The following DIS3L2 variants were observed in gnomAD, a reference collection of about 807,000 sequenced individuals.
DIS3L2 encodes DIS3-like exonuclease 2.
In DIS3L2, 34 loss-of-function variants were observed where a neutral mutation model predicts 97.5. The ratio of observed to expected loss-of-function variants is 0.35; its 90% CI spans 0.27 to 0.46. The LOEUF is 0.46. DIS3L2 is among the 20% of genes least tolerant of loss of function. The pLI is 1.00. For synonymous variants in DIS3L2, 435 were observed against 445.2 expected, an observed-to-expected ratio of 0.98 and a Z score of 0.29; for missense variants, 1,038 against 1,146.0, an observed-to-expected ratio of 0.91 and a Z score of 1.36.
chr2:232,286,530 G>T (rs1027736719), intron 13 of DIS3L2, among the ~76,000 whole-genome samples: 2 of 152,172 alleles, frequency 1.3e-5, no homozygotes, highest in Non-Finnish European at 2.9e-5. Context: ...GTCCCAATCA[G>T]CTTGTTCCAG....
intron 13 of DIS3L2, among the ~76,000 whole-genome samples, chr2:232,288,846 T>TTA (rs1694521154): frequency 6.6e-6 from 1 of 152,242 alleles, no homozygotes; most frequent in African/African-American, 2.4e-5. Flanking sequence ...TTTGCTTTGT[T>TTA]TATATATACC....
chr2:232,163,416 T>C (rs1690711927), intron 8 of DIS3L2, 43 bp from the exon 9 acceptor site: 2 of 1,591,248 alleles, frequency 1.3e-6, no homozygotes, highest in Admixed American at 3.5e-5. Context: ...CTATGTTCCA[T>C]TTGTTTGCTA....
intron 6 of DIS3L2, among the ~76,000 whole-genome samples, chr2:232,116,219 T>A (rs553374544): frequency 2.3e-4 from 35 of 150,312 alleles, no homozygotes; most frequent in African/African-American, 7.4e-4. Flanking sequence ...AATAAATAAA[T>A]AAAACAGATG....
In DIS3L2 at chr2:232,032,279, A is replaced by G. The variant is rs368356695; in HGVS notation, c.366+2199A>G. Among the ~76,000 whole-genome samples the G allele has an allele frequency of 6.6e-5, 10 of 151,170 alleles. No individual in the cohort carries two copies. The East Asian group carries it at 1.9e-3, about 29-fold the overall frequency. ...TGACCAGTGTTGATGACCTTTTTTT[A>G]TATGTCTGTTGGCCACATAAATGTC... On this transcript the variant is annotated intron_variant, in intron 5 of 20. Coordinates refer to ENST00000325385, the MANE Select transcript of DIS3L2 (RefSeq NM_152383.5).
chr2:232,207,197 A>G (rs1692050722), intron 9 of DIS3L2, among the ~76,000 whole-genome samples: 1 of 152,196 alleles, frequency 6.6e-6, no homozygotes, highest in African/African-American at 2.4e-5. Context: ...CAGTTATACC[A>G]GTATTTTTTA....
At chr2:232,317,639 G>C (rs937353742) in intron 14 of DIS3L2, among the ~76,000 whole-genome samples, 1 of 152,102 alleles carries the variant, frequency 6.6e-6, no homozygotes, top group African/African-American at 2.4e-5. Context: ...GTTTCACTAT[G>C]TTGGCCAGCC....
chr2:232,216,605 T>C (rs1692341894), intron 10 of DIS3L2, among the ~76,000 whole-genome samples: 2 of 152,056 alleles, frequency 1.3e-5, no homozygotes, highest in Admixed American at 6.5e-5. Flanking sequence ...TTCTCACCAC[T>C]CATCACTTGC....
At position 232,281,029 on chromosome 2, in the gene DIS3L2, G is replaced by A. The variant is rs902093984; in HGVS notation, c.1659+17589G>A. Among the ~76,000 whole-genome samples the A allele has an allele frequency of 2.6e-5, 4 of 152,306 alleles. No individual in the cohort carries two copies. Among genetic ancestry groups the A allele is most frequent in the South Asian group, 2.1e-4 (1 of 4,828 alleles). ...ATTGGTGTGGCTGTGTCAGAGGAAG[G>A]GCTCCCAGTGGTGGTGGGAAATGTT... On this transcript the variant is annotated intron_variant, in intron 13 of 20. Coordinates refer to ENST00000325385, the MANE Select transcript of DIS3L2 (RefSeq NM_152383.5). This position sits in a 1 kb window ranked among gnomAD's most constrained non-coding sequence, Gnocchi z 4.1.
chr2:232,181,407 T>A (rs1480335425), intron 9 of DIS3L2, among the ~76,000 whole-genome samples: 1 of 152,216 alleles, frequency 6.6e-6, no homozygotes, highest in African/African-American at 2.4e-5. Context: ...TGCAGAGTGT[T>A]TTCCAACTTG....
intron 4 of DIS3L2, among the ~76,000 whole-genome samples, chr2:232,026,020 A>C (rs552942197): frequency 6.6e-6 from 1 of 152,230 alleles, no homozygotes; most frequent in African/African-American, 2.4e-5. Flanking sequence ...TGCATGCTTA[A>C]GTTTGCTCTT....
rs571811451 is a variant in DIS3L2 at position 232,155,504 on chromosome 2, C to T, written c.951-7955C>T. Among the ~76,000 whole-genome samples the T allele has an allele frequency of 2.1e-3, 320 of 152,278 alleles. 2 individuals are homozygous for T. Among genetic ancestry groups the T allele is most frequent in the African/African-American group, 7.3e-3 (304 of 41,544 alleles). ...TTTAGAAATCTTTATCTTTGAAATC[C>T]AGTAACTCCACTAGAATATATTTCA... On this transcript the variant is annotated intron_variant, in intron 8 of 20. Transcript: ENST00000325385.
At chr2:232,324,700 G>GT (rs1038918991) in intron 14 of DIS3L2, among the ~76,000 whole-genome samples, 6 of 152,258 alleles carry the variant, frequency 3.9e-5, no homozygotes, top group South Asian at 4.1e-4. Context: ...CTTTTACTGT[G>GT]TTTTTTGCCC....
At chr2:232,094,709 AC>A (rs1183171637) in intron 6 of DIS3L2, among the ~76,000 whole-genome samples, 1 of 99,818 alleles carries the variant, frequency 1.0e-5, no homozygotes, top group Non-Finnish European at 1.9e-5. Context: ...ACAGAGCGAG[AC>A]TCCATCTCAA....
At chr2:232,130,869 A>G in intron 7 of DIS3L2, 150 bp downstream of exon 7, 2 of 1,218,514 alleles carry the variant, frequency 1.6e-6, no homozygotes, top group Middle Eastern at 4.0e-4. Context: ...TAAAAAAAAA[A>G]AACTTTAAAC....
intron 14 of DIS3L2, among the ~76,000 whole-genome samples, chr2:232,309,550 C>G (rs1695068480): frequency 6.6e-6 from 1 of 152,030 alleles, no homozygotes; most frequent in Non-Finnish European, 1.5e-5. Context: ...CTCATGTTGC[C>G]CAAGCTGGTC....
At chr2:232,105,202 A>C (rs192477394) in intron 6 of DIS3L2, among the ~76,000 whole-genome samples, 1 of 152,320 alleles carries the variant, frequency 6.6e-6, no homozygotes, top group East Asian at 1.9e-4. Context: ...TGCTGAAATG[A>C]ACATTGGTGT....
At chr2:232,226,963 C>T (rs1168088308) in intron 10 of DIS3L2, among the ~76,000 whole-genome samples, 1 of 151,832 alleles carries the variant, frequency 6.6e-6, no homozygotes, top group African/African-American at 2.4e-5. Context: ...GAGCAAGACC[C>T]TGTCTCAAAA....
intron 14 of DIS3L2, among the ~76,000 whole-genome samples, chr2:232,314,186 A>G (rs1695209733): frequency 6.6e-6 from 1 of 152,190 alleles, no homozygotes; most frequent in Non-Finnish European, 1.5e-5. Context: ...TGGGCCCAGT[A>G]TAGGGCATTC....
At chr2:232,283,667 C>T (rs1200544037) in intron 13 of DIS3L2, among the ~76,000 whole-genome samples, 1 of 152,100 alleles carries the variant, frequency 6.6e-6, no homozygotes, top group Non-Finnish European at 1.5e-5. Flanking sequence ...AAGTCCTGAC[C>T]TTAGGATTAT....
Sources: allele counts gnomAD v4.1 joint callset (sites outside exome capture counted in the v4.1 genomes callset), GRCh38; gene constraint gnomAD v4.1.1; non-coding constraint Gnocchi (gnomAD v3.1); transcripts MANE v1.5; gene names NCBI Gene and HGNC (gene_info 2026-07-23, HGNC 2026-07-21).